CTBP2: variants seen among roughly 807,000 people sequenced by gnomAD.
CTBP2 encodes C-terminal binding protein 2, also known as C-terminal-binding protein 2.
CTBP2 carries 30 observed loss-of-function variants against 80.3 expected under a neutral mutation model. The ratio of observed to expected loss-of-function variants is 0.37; its 90% CI spans 0.28 to 0.51. CTBP2 has a LOEUF of 0.51. Among genes scored for constraint, CTBP2 ranks in the 20% least tolerant of loss-of-function variants. The pLI is 0.93. For missense variants in CTBP2, 1,212 were observed against 1,375.3 expected (o/e 0.88, Z 1.88); for synonymous variants, 594 against 587.4 (o/e 1.01, Z -0.16).
intron 1 of CTBP2, among the ~76,000 whole-genome samples, chr10:125,132,979 A>G (rs1856423189): frequency 1.3e-5 from 2 of 152,232 alleles, no homozygotes; most frequent in South Asian, 4.1e-4. Flanking sequence ...CAAGTGACAG[A>G]TACCACAAGG....
In CTBP2 at chr10:124,989,433, C is replaced by A. The variant is rs1952278341; in HGVS notation, c.*85G>T. On this transcript the variant is annotated 3_prime_UTR_variant, in exon 9 of 9. Transcript: ENST00000309035. Reference sequence around the variant, plus strand: ...GTCCAGAATCAGTTACAAAGACCATCCGATTCTTTTTCTCTTAGTTCATCT... The same window carrying A: ...GTCCAGAATCAGTTACAAAGACCATACGATTCTTTTTCTCTTAGTTCATCT... The A allele has an allele frequency of 7.4e-7, 1 of 1,346,832 alleles. No homozygotes were observed. The highest frequency in any genetic ancestry group is 1.1e-6 in the Non-Finnish European group (1 of 939,344). The allele number at this position is 1,346,832 out of a possible 1,614,324, so 83.4% of individuals were successfully genotyped here.
chr10:125,056,465 T>A (rs1458185572), intron 2 of CTBP2, among the ~76,000 whole-genome samples: 1 of 152,128 alleles, frequency 6.6e-6, no homozygotes, highest in Non-Finnish European at 1.5e-5. Context: ...ACACTCCCCC[T>A]CCACCCCAGA....
At chr10:125,074,994 C>T (rs766314796) in intron 2 of CTBP2, among the ~76,000 whole-genome samples, 6 of 152,150 alleles carry the variant, frequency 3.9e-5, no homozygotes, top group Non-Finnish European at 7.3e-5. Flanking sequence ...TCCTAACTGA[C>T]GCCAGGCAGA....
chr10:125,027,616 C>A lies in CTBP2; in HGVS notation c.144G>T (p.Gly48=). Residue 48 remains glycine, a synonymous_variant, in exon 1 of 9, where the codon GGG becomes GGT. Coordinates refer to ENST00000309035, the MANE Select transcript of CTBP2 (RefSeq NM_022802.3). ...GTCGGTGGTTTGGCTCAAACCAAGT[C>A]CCCTCTGCTGTGCCATACGTCAGGG... 1.9e-6 allele frequency: 3 copies of A among 1,614,014 alleles called. No individual in the cohort carries two copies. Among genetic ancestry groups the A allele is most frequent in the Non-Finnish European group, 2.5e-6 (3 of 1,180,020 alleles).
intron 1 of CTBP2, among the ~76,000 whole-genome samples, chr10:125,010,152 C>T (rs1234108471): frequency 6.9e-6 from 1 of 144,692 alleles, no homozygotes; most frequent in Admixed American, 7.1e-5. Context: ...CGGGTGGCTC[C>T]GGGAGCAGCT....
chr10:125,111,597 C>T (rs1852300525), intron 1 of CTBP2, among the ~76,000 whole-genome samples: 1 of 152,216 alleles, frequency 6.6e-6, no homozygotes, highest in African/African-American at 2.4e-5. Flanking sequence ...GGCATTTTAA[C>T]TTACTACTGA....
In CTBP2 at chr10:125,081,665, T is replaced by C. The variant is rs150432376; in HGVS notation, c.-102+29325A>G. Among the ~76,000 whole-genome samples the C allele has an allele frequency of 3.3e-3, 495 of 151,862 alleles. 3 individuals are homozygous for C. Among genetic ancestry groups the C allele is most frequent in the African/African-American group, 0.012 (478 of 41,408 alleles). On this transcript the variant is annotated intron_variant, in intron 2 of 10. Coordinates refer to the CTBP2 transcript ENST00000337195. ...TCTGTAATTATGTCAAAAGAAAAAG[T>C]TAAAGGGAAAAAAAAAATAGACATG...
intron 3 of CTBP2, 87 bp downstream of exon 3, chr10:125,038,910 T>C (rs1590247780): frequency 3.1e-5 from 41 of 1,319,094 alleles, no homozygotes; most frequent in Non-Finnish European, 4.2e-5. Flanking sequence ...GCTTGGGGAG[T>C]GGCACAGCCA....
chr10:125,012,663 G>A (rs1590063946), intron 1 of CTBP2, among the ~76,000 whole-genome samples: 1 of 152,178 alleles, frequency 6.6e-6, no homozygotes. Context: ...GTTTTGAGAT[G>A]GAGTCTCACG....
At chr10:125,074,032 G>A (rs937072434) in intron 2 of CTBP2, among the ~76,000 whole-genome samples, 3 of 152,168 alleles carry the variant, frequency 2.0e-5, no homozygotes, top group Non-Finnish European at 4.4e-5. Context: ...CCTCAGCACT[G>A]TTGGTATTTT....
chr10:124,997,927 G>A (rs940309893), intron 4 of CTBP2, 37 bp downstream of exon 6: 20 of 1,582,648 alleles, frequency 1.3e-5, no homozygotes, highest in African/African-American at 2.7e-5. Context: ...CCCCAGTGTC[G>A]GAGGGGTTGG....
intron 2 of CTBP2, among the ~76,000 whole-genome samples, chr10:125,053,749 T>A (rs1366470428): frequency 3.3e-5 from 5 of 150,990 alleles, no homozygotes. Context: ...TGTAGACGGG[T>A]CTGATGAGTG....
chr10:125,093,097 T>C (rs943512630), intron 2 of CTBP2, among the ~76,000 whole-genome samples: 2 of 152,230 alleles, frequency 1.3e-5, no homozygotes, highest in African/African-American at 2.4e-5. Context: ...GCCCCCTTCA[T>C]CTGCACTGTC....
At chr10:125,039,998 A>C (rs1461608671) in intron 2 of CTBP2, among the ~76,000 whole-genome samples, 1 of 152,148 alleles carries the variant, frequency 6.6e-6, no homozygotes, top group Non-Finnish European at 1.5e-5. Flanking sequence ...GGGGAAGAGG[A>C]GCTGCTGCCC....
chr10:125,133,148 A>T (rs1856443844), intron 1 of CTBP2, among the ~76,000 whole-genome samples: 2 of 152,218 alleles, frequency 1.3e-5, no homozygotes, highest in African/African-American at 2.4e-5. Flanking sequence ...TGCCAGGCAC[A>T]TTCTAAGAGC....
intron 1 of CTBP2, among the ~76,000 whole-genome samples, chr10:125,134,087 T>A (rs1856594222): frequency 6.6e-6 from 1 of 152,158 alleles, no homozygotes. Context: ...ATGGAAACAT[T>A]CCGAAGTCCT....
intron 3 of CTBP2, chr10:125,000,989 T>C (rs567889572): frequency 1.3e-5 from 2 of 152,286 alleles, no homozygotes; most frequent in Admixed American, 1.3e-4. Flanking sequence ...TCAATGAAAA[T>C]CCACCACTCA....
intron 1 of CTBP2, among the ~76,000 whole-genome samples, chr10:125,147,740 T>C (rs546270615): frequency 6.6e-6 from 1 of 152,072 alleles, no homozygotes; most frequent in African/African-American, 2.4e-5. Flanking sequence ...CTACAAAAAA[T>C]ACAGAAACTA....
At chr10:125,074,472 A>G (rs1262084932) in intron 2 of CTBP2, among the ~76,000 whole-genome samples, 1 of 152,176 alleles carries the variant, frequency 6.6e-6, no homozygotes, top group East Asian at 1.9e-4. Flanking sequence ...CTCCTGCCTC[A>G]GCCTCCTGAG....
Sources: allele counts gnomAD v4.1 joint callset (sites outside exome capture counted in the v4.1 genomes callset), GRCh38; gene constraint gnomAD v4.1.1; transcripts MANE v1.5; gene names NCBI Gene and HGNC (gene_info 2026-07-23, HGNC 2026-07-21).